IGSF9B: variants seen among roughly 807,000 people sequenced by gnomAD.
The protein encoded by IGSF9B is protein turtle homolog B.
Under a neutral mutation model 143.7 loss-of-function variants are expected in IGSF9B, and 48 were observed. The observed-to-expected ratio is 0.33, with a 90% CI of 0.26 to 0.42. The LOEUF (loss-of-function observed/expected upper bound fraction) is 0.42. Ranked by LOEUF, IGSF9B falls within the 20% of genes least tolerant of loss-of-function variation. The pLI is 1.00. For missense variants in IGSF9B, 1,706 were observed against 1,980.0 expected, an observed-to-expected ratio of 0.86 and a Z score of 2.63; for synonymous variants, 903 against 833.1, an observed-to-expected ratio of 1.08 and a Z score of -1.44.
At position 133,901,854 on chromosome 11, in the gene IGSF9B, CCA is replaced by C. The variant is rs1328111551; in HGVS notation, c.*7213_*7214del. On this transcript the variant is annotated 3_prime_UTR_variant, in exon 20 of 20. Transcript: ENST00000533871. The stretch of plus-strand genomic sequence containing the variant: ...CAAACACACACACACCACACACGCA[CCA>C]CACACGCACCACACACGCACCACAC... Among the ~76,000 whole-genome samples the C allele has an allele frequency of 7.0e-6, 1 of 143,776 alleles. No homozygotes were observed. The highest frequency in any genetic ancestry group is 2.6e-5 in the African/African-American group (1 of 38,756). 94.3% of individuals were successfully genotyped at this position (143,776 alleles called of 152,430 possible). A position where few individuals can be genotyped will look rare whatever the true frequency, so the allele number is the denominator to read the frequency against.
rs775176299 is a variant in IGSF9B at position 133,920,850 on chromosome 11, G to C, written c.2875C>G (p.Arg959Gly). 2.4e-5 allele frequency: 38 copies of C among 1,599,244 alleles called. No homozygotes were observed. Among genetic ancestry groups the C allele is most frequent in the Middle Eastern group, 3.3e-4 (2 of 5,982 alleles). ...ATGQARPPAP[R>G]PFHHGQYYGY... is the part of the protein sequence containing the mutation. Reference sequence around the variant, plus strand: ...TAATACTGGCCATGGTGGAAGGGCCGGGGGGCAGGGGGCCGGGCCTGGCCT... The same window carrying C: ...TAATACTGGCCATGGTGGAAGGGCCCGGGGGCAGGGGGCCGGGCCTGGCCT... Residue 959 changes from arginine (R) to glycine (G), a missense_variant, in exon 18 of 20, where the codon CGG becomes GGG. By Grantham distance (125) the Arg-to-Gly change is moderately radical (BLOSUM62 -2). Transcript: ENST00000533871.
At chr11:133,919,129 T>TGGTG in intron 18 of IGSF9B, 1 of 174,382 alleles carries the variant, frequency 5.7e-6, no homozygotes. Flanking sequence ...GGGGGGGGGG[T>TGGTG]GGGGGACGTG....
chr11:133,921,353 C>T lies in IGSF9B; in HGVS notation c.2372G>A (p.Arg791Gln), dbSNP rs757605113. The T allele has an allele frequency of 8.9e-6, 14 of 1,571,938 alleles. No individual in the cohort carries two copies. The Admixed American group carries it at 1.1e-4, about 12-fold the overall frequency. ...KVSPESIRTL[R>Q]APSESSDDQG... ...GTCGTCGGAGGATTCTGACGGCGCTCGGAGCGTGCGGATGCTCTCGGGGCT... is the reference window on the plus strand; with the variant it reads ...GTCGTCGGAGGATTCTGACGGCGCTTGGAGCGTGCGGATGCTCTCGGGGCT... Residue 791 changes from arginine (R) to glutamine (Q), a missense_variant, in exon 18 of 20, where the codon CGA becomes CAA. Coordinates refer to ENST00000533871, the MANE Select transcript of IGSF9B (RefSeq NM_001277285.4).
chr11:133,940,329 C>G (rs1309798048), intron 3 of IGSF9B, among the ~76,000 whole-genome samples: 2 of 140,954 alleles, frequency 1.4e-5, no homozygotes, highest in African/African-American at 5.4e-5. Flanking sequence ...GAAACATACA[C>G]CTCGCACGTC....
chr11:133,932,094 C>T lies in IGSF9B; in HGVS notation c.1087G>A (p.Gly363Ser). 4 of 1,613,720 alleles carry T rather than the reference C, an allele frequency of 2.5e-6. No individual in the cohort carries two copies. The highest frequency in any genetic ancestry group is 3.4e-6 in the Non-Finnish European group (4 of 1,179,698). ...ACCTTCTCAACCTGCAGGGGACGGC[C>T]GTCCTTGTTCCACTTGACCACGGTG... ...PATVVKWNKD[G>S]RPLQVEKNLG... The change falls in exon 8 of 20, where the codon GGC (glycine) becomes AGC (serine). Residue 363 changes from glycine (G) to serine (S), a missense_variant. By Grantham distance (56) the Gly-to-Ser change is moderately conservative. Around this residue, in one of 7 missense-constraint regions of IGSF9B, gnomAD observed 238 missense variants for 452.6 expected, o/e 0.53. Transcript: ENST00000533871.
At position 133,929,722 on chromosome 11, in the gene IGSF9B, A is replaced by G; in HGVS notation, c.1580T>C (p.Val527Ala). The change falls in exon 12 of 20, where the codon GTG (valine) becomes GCG (alanine). Residue 527 changes from valine to alanine, a missense_variant. Around this residue, in one of 7 missense-constraint regions of IGSF9B, gnomAD observed 267 missense variants for 321.1 expected, o/e 0.83. Coordinates refer to ENST00000533871, the MANE Select transcript of IGSF9B (RefSeq NM_001277285.4). ...TCCATCATAGCCTGGTTCCCAGGAC[A>G]CGTTGGCAGTTGTCATGGAGACCTG... ...RVQVSMTTAN[V>A]SWEPGYDGGY... The G allele has an allele frequency of 3.1e-6, 5 of 1,613,980 alleles. No homozygotes were observed. The highest frequency in any genetic ancestry group is 4.2e-6 in the Non-Finnish European group (5 of 1,179,860).
At chr11:133,927,775 C>T (rs940889632) in intron 12 of IGSF9B, among the ~76,000 whole-genome samples, 8 of 152,308 alleles carry the variant, frequency 5.3e-5, no homozygotes, top group African/African-American at 1.7e-4. Context: ...AGTGCTGCCA[C>T]GTCACCACAG....
At chr11:133,929,179 C>T (rs747778130) in intron 12 of IGSF9B, among the ~76,000 whole-genome samples, 2 of 152,114 alleles carry the variant, frequency 1.3e-5, no homozygotes, top group Admixed American at 1.3e-4. Flanking sequence ...TACCCTGATG[C>T]GATTATTACA....
intron 1 of IGSF9B, among the ~76,000 whole-genome samples, chr11:133,946,787 A>C (rs1940060125): frequency 6.6e-6 from 1 of 152,042 alleles, no homozygotes; most frequent in Non-Finnish European, 1.5e-5. Context: ...CCCCCAGCTC[A>C]GCCCGATGTG....
chr11:133,908,949 G>T lies in IGSF9B; in HGVS notation c.*120C>A. ...GACACCCGCTCTGGCAAAAGAGGGGGCATGCAGGACAAAGGTCTGGGCCGC... is the reference window on the plus strand; with the variant it reads ...GACACCCGCTCTGGCAAAAGAGGGGTCATGCAGGACAAAGGTCTGGGCCGC... On this transcript the variant is annotated 3_prime_UTR_variant, in exon 20 of 20. Transcript: ENST00000533871. 1.2e-6 allele frequency: 1 copy of T among 814,290 alleles called. No individual in the cohort carries two copies. Among genetic ancestry groups the T allele is most frequent in the Non-Finnish European group, 1.9e-6 (1 of 521,644 alleles). The allele number at this position is 814,290 out of a possible 1,614,324, so 50.4% of individuals were successfully genotyped here.
In IGSF9B at chr11:133,953,392, T is replaced by G. The variant is rs1400217334; in HGVS notation, c.64+3299A>C. On this transcript the variant is annotated intron_variant, in intron 1 of 19. Transcript: ENST00000533871. The surrounding 1 kb of genome is among the most constrained non-coding windows in gnomAD (Gnocchi z 4.2). ...ACAGGGCACAGGCTGCCAGACACAC[T>G]CCTGTCCCCAGCATGTGTGTGCTGA... is the stretch of plus-strand genomic sequence containing the variant. Among the ~76,000 whole-genome samples the G allele has an allele frequency of 6.6e-6, 1 of 151,842 alleles. No homozygotes were observed. The highest frequency in any genetic ancestry group is 1.5e-5 in the Non-Finnish European group (1 of 67,944).
chr11:133,941,016 TAAAAG>T (rs907925894), intron 3 of IGSF9B, among the ~76,000 whole-genome samples: 19 of 152,320 alleles, frequency 1.2e-4, no homozygotes, highest in African/African-American at 3.6e-4. Flanking sequence ...GTGCCAAGCT[TAAAAG>T]AAAAGATAAT....
At chr11:133,933,047 C>G (rs1019007819) in intron 7 of IGSF9B, among the ~76,000 whole-genome samples, 41 of 152,098 alleles carry the variant, frequency 2.7e-4, no homozygotes, top group Admixed American at 1.2e-3. Context: ...CACAGGGAAG[C>G]CAGGTGAGAA....
rs1291134822 is a variant in IGSF9B, at chr11:133,948,815, A to C, written c.65-2557T>G. Among the ~76,000 whole-genome samples the C allele has an allele frequency of 6.6e-6, 1 of 152,216 alleles. No homozygotes were observed. Among genetic ancestry groups the C allele is most frequent in the Non-Finnish European group, 1.5e-5 (1 of 68,034 alleles). On this transcript the variant is annotated intron_variant, in intron 1 of 19. Transcript: ENST00000533871. The surrounding 1 kb of genome is among the most constrained non-coding windows in gnomAD (Gnocchi z 4.7). ...GGGCTTTGGCCCAGGCAGGAGGAACAGAGGCCTAGGGGGACAGCAGGCACC... is the reference window on the plus strand; with the variant it reads ...GGGCTTTGGCCCAGGCAGGAGGAACCGAGGCCTAGGGGGACAGCAGGCACC...
At position 133,931,405 on chromosome 11, in the gene IGSF9B, TG is replaced by T; in HGVS notation, c.1368+47del. On this transcript the variant is annotated intron_variant, in intron 10 of 19. Coordinates refer to ENST00000533871, the MANE Select transcript of IGSF9B (RefSeq NM_001277285.4). The surrounding 1 kb of genome is among the most constrained non-coding windows in gnomAD (Gnocchi z 7.7). ...ACCTCCCCGCAGCCCCAGGGCTCCC[TG>T]GGCCCTCACACCTCCCTGCAGACCC... is the stretch of plus-strand genomic sequence containing the variant. 7.2e-7 allele frequency: 1 copy of T among 1,383,046 alleles called. No homozygotes were observed. The highest frequency in any genetic ancestry group is 1.0e-6 in the Non-Finnish European group (1 of 981,998). 85.7% of individuals were successfully genotyped at this position (1,383,046 alleles called of 1,614,324 possible). A position where few individuals can be genotyped will look rare whatever the true frequency, so the allele number is the denominator to read the frequency against.
At chr11:133,950,301 C>G (rs903744491) in intron 1 of IGSF9B, among the ~76,000 whole-genome samples, 1 of 152,210 alleles carries the variant, frequency 6.6e-6, no homozygotes, top group Non-Finnish European at 1.5e-5. Flanking sequence ...CAGGGCCGGG[C>G]GAGCATCAGC....
At position 133,931,974 on chromosome 11, in the gene IGSF9B, G is replaced by C. The variant is rs1189947300; in HGVS notation, c.1110+97C>G. 3 of 1,505,768 alleles carry C rather than the reference G, an allele frequency of 2.0e-6. No homozygotes were observed. The African/African-American group carries it at 4.2e-5, about 21-fold the overall frequency. The allele number at this position is 1,505,768 out of a possible 1,614,324, so 93.3% of individuals were successfully genotyped here. A position where few individuals can be genotyped will look rare whatever the true frequency, so the allele number is the denominator to read the frequency against. On this transcript the variant is annotated intron_variant, in intron 8 of 19. Transcript: ENST00000533871. The surrounding 1 kb of genome is among the most constrained non-coding windows in gnomAD (Gnocchi z 7.7). ...TCTGTTTGCCCAGGGCTTTTGGAAG[G>C]GGCCAGGAGTCCTGGCAGAAATCCA...
intron 1 of IGSF9B, among the ~76,000 whole-genome samples, chr11:133,949,066 A>G (rs1008737421): frequency 1.3e-5 from 2 of 152,074 alleles, no homozygotes; most frequent in African/African-American, 4.8e-5. Flanking sequence ...AGCGCTGAGC[A>G]CCCAACCCAA....
chr11:133,931,415 C>T lies in IGSF9B; in HGVS notation c.1368+38G>A, dbSNP rs551012426. ...AGCCCCAGGGCTCCCTGGGCCCTCA[C>T]ACCTCCCTGCAGACCCAGGGCTCCA... On this transcript the variant is annotated intron_variant, in intron 10 of 19. Transcript: ENST00000533871. This position sits in a 1 kb window ranked among gnomAD's most constrained non-coding sequence, Gnocchi z 7.7. 25 of 1,471,982 alleles carry T rather than the reference C, an allele frequency of 1.7e-5. No homozygotes were observed. The highest frequency in any genetic ancestry group is 2.3e-5 in the Non-Finnish European group (24 of 1,058,330). 91.2% of individuals were successfully genotyped at this position (1,471,982 alleles called of 1,614,324 possible). A position where few individuals can be genotyped will look rare whatever the true frequency, so the allele number is the denominator to read the frequency against.
Sources: gnomAD v4.1 joint callset for allele counts (sites outside exome capture counted in the v4.1 genomes callset) on GRCh38, gnomAD v4.1.1 for gene constraint, gnomAD v4.1.1 regional missense constraint, Gnocchi (gnomAD v3.1) non-coding constraint, MANE v1.5 for transcripts, NCBI Gene and HGNC (gene_info 2026-07-23, HGNC 2026-07-21) for gene names.